Variants in IFT88 observed in about 807,000 individuals in gnomAD.
IFT88 encodes intraflagellar transport 88.
In IFT88, 74 loss-of-function variants were observed where a neutral mutation model predicts 119.5. The ratio of observed to expected loss-of-function variants is 0.62; its 90% CI spans 0.51 to 0.75. The LOEUF is 0.75. Among genes scored for constraint, IFT88 ranks in the 30% least tolerant of loss-of-function variants. IFT88 has a pLI of 0.00. For missense variants in IFT88, 961 were observed against 977.7 expected (o/e 0.98, Z 0.23); for synonymous variants, 279 against 316.7 (o/e 0.88, Z 1.26).
At chr13:20,588,119 T>C (rs992887572) in intron 3 of IFT88, among the ~76,000 whole-genome samples, 2 of 151,930 alleles carry the variant, frequency 1.3e-5, no homozygotes, top group Admixed American at 1.3e-4. Flanking sequence ...GTTCTCTGAC[T>C]ATTCTTTTAG....
chr13:20,592,536 C>T (rs1257553892), intron 7 of IFT88, 132 bp downstream of exon 7: 7 of 596,664 alleles, frequency 1.2e-5, no homozygotes, highest in South Asian at 2.3e-5. Flanking sequence ...GTGATGCGAT[C>T]TTGGCTCACT....
At position 20,574,954 on chromosome 13, in the gene IFT88, G is replaced by C. The variant is rs577720766; in HGVS notation, c.90+479G>C. ...GTTACATCAAGCATTTATCCTTTGT[G>C]TTCCAAACAATCCGATTATATTCTT... On this transcript the variant is annotated intron_variant, in intron 2 of 25. Transcript: ENST00000351808. 5.3e-5 allele frequency among the ~76,000 whole-genome samples: 8 copies of C among 152,112 alleles called. No individual in the cohort carries two copies. In the South Asian group the frequency reaches 1.7e-3, roughly 32 times the overall value.
At chr13:20,690,866 T>G (rs766646157) in intron 25 of IFT88, 51 bp downstream of exon 25, 1 of 1,438,070 alleles carries the variant, frequency 7.0e-7, no homozygotes, top group Non-Finnish European at 9.8e-7. Context: ...TGAAGAAGAA[T>G]GGTGAGATGG....
rs560495525 is a variant in IFT88 at position 20,606,617 on chromosome 13, G to A, written c.1112+1512G>A. On this transcript the variant is annotated intron_variant, in intron 13 of 25. Coordinates refer to ENST00000351808, the MANE Select transcript of IFT88 (RefSeq NM_006531.5). ...TTGTTTGCTGGGCACGGTGGCTCAC[G>A]CCTGTAGTCCCAGCACTTTGGGAGG... Among the ~76,000 whole-genome samples, 17 of 152,270 alleles carry A rather than the reference G, an allele frequency of 1.1e-4. No individual in the cohort carries two copies. The South Asian group carries it at 3.3e-3, about 30-fold the overall frequency.
chr13:20,573,236 C>G (rs527268859), intron 1 of IFT88, among the ~76,000 whole-genome samples: 1 of 152,076 alleles, frequency 6.6e-6, no homozygotes, highest in Non-Finnish European at 1.5e-5. Flanking sequence ...TACTATAACC[C>G]ATACAATGTA....
chr13:20,690,729 G>A lies in IFT88; in HGVS notation c.2267G>A (p.Ser756Asn). ...SGDSGQNYSASSKGERLSARL... is the reference protein window; with the variant it reads ...SGDSGQNYSANSKGERLSARL... ...GATAGTGGCCAGAACTATAGTGCCA[G>A]TAGTAAAGGTGAACGACTAAGTGCC... The change falls in exon 25 of 26, where the codon AGT (serine) becomes AAT (asparagine). Residue 756 changes from serine to asparagine, a missense_variant. Coordinates refer to ENST00000351808, the MANE Select transcript of IFT88 (RefSeq NM_006531.5). 1 of 1,612,618 alleles carries A rather than the reference G, an allele frequency of 6.2e-7. No homozygotes were observed. Among genetic ancestry groups the A allele is most frequent in the Non-Finnish European group, 8.5e-7 (1 of 1,178,656 alleles).
intron 7 of IFT88, among the ~76,000 whole-genome samples, chr13:20,594,871 T>C (rs763532056): frequency 6.6e-6 from 1 of 152,220 alleles, no homozygotes; most frequent in Non-Finnish European, 1.5e-5. Flanking sequence ...AATTTATTTC[T>C]ATATACTTTT....
intron 2 of IFT88, among the ~76,000 whole-genome samples, 173 bp from the exon 3 acceptor site, chr13:20,582,784 G>T (rs985791246): frequency 3.3e-5 from 5 of 152,164 alleles, no homozygotes; most frequent in African/African-American, 1.2e-4. Context: ...GAGGAAGGAG[G>T]TTTGCTATTC....
intron 24 of IFT88, among the ~76,000 whole-genome samples, chr13:20,683,446 T>A (rs2057540878): frequency 6.6e-6 from 1 of 152,206 alleles, no homozygotes; most frequent in South Asian, 2.1e-4. Flanking sequence ...TCCCCATTGC[T>A]GTAATAAATC....
intron 23 of IFT88, among the ~76,000 whole-genome samples, 168 bp from the exon 24 acceptor site, chr13:20,670,805 A>G (rs2055696980): frequency 6.6e-6 from 1 of 151,514 alleles, no homozygotes; most frequent in Non-Finnish European, 1.5e-5. Flanking sequence ...CCCTCCACTT[A>G]CAAAACAACT....
chr13:20,658,152 G>C (rs1000305264), intron 22 of IFT88, among the ~76,000 whole-genome samples: 1 of 151,254 alleles, frequency 6.6e-6, no homozygotes, highest in African/African-American at 2.4e-5. Context: ...GCTGGAGTGC[G>C]GTGGCGCCAT....
intron 2 of IFT88, among the ~76,000 whole-genome samples, chr13:20,578,358 C>CTTTTTTTTT (rs1158499742): frequency 2.5e-5 from 2 of 78,746 alleles, no homozygotes; most frequent in African/African-American, 5.2e-5. Flanking sequence ...AGTCTTGTTA[C>CTTTTTTTTT]TTTTTTTTTT....
rs144542387 is a variant in IFT88 at position 20,607,864 on chromosome 13, A to C, written c.1112+2759A>C. On this transcript the variant is annotated intron_variant, in intron 13 of 25. Transcript: ENST00000351808. ...CACAGTGTCCCTGATCATGCTGCCCAACCCAGTCACCAGCACCAATGTCCT... is the reference window on the plus strand; with the variant it reads ...CACAGTGTCCCTGATCATGCTGCCCCACCCAGTCACCAGCACCAATGTCCT... 1.0e-3 allele frequency: 736 copies of C among 718,280 alleles called. 4 individuals carry two copies. In the African/African-American group the frequency reaches 0.011, roughly 11 times the overall value. The allele number at this position is 718,280 out of a possible 1,614,324, so 44.5% of individuals were successfully genotyped here.
At chr13:20,679,684 A>T (rs557522292) in intron 24 of IFT88, among the ~76,000 whole-genome samples, 1 of 152,226 alleles carries the variant, frequency 6.6e-6, no homozygotes, top group African/African-American at 2.4e-5. Context: ...AGACACAACT[A>T]TGTATCCAGA....
chr13:20,590,938 C>T (rs765562192), intron 4 of IFT88, 29 bp from the exon 5 acceptor site: 7 of 1,536,214 alleles, frequency 4.6e-6, no homozygotes, highest in African/African-American at 4.1e-5. Context: ...TTTTAGGAAT[C>T]TTTTTAACTT....
intron 24 of IFT88, among the ~76,000 whole-genome samples, chr13:20,676,563 A>C (rs1440013125): frequency 6.6e-6 from 1 of 152,200 alleles, no homozygotes; most frequent in Non-Finnish European, 1.5e-5. Context: ...TCCCTAACAC[A>C]AGAGGGTCAT....
chr13:20,591,872 A>G (rs1296738091), intron 6 of IFT88, among the ~76,000 whole-genome samples, 191 bp downstream of exon 6: 2 of 152,220 alleles, frequency 1.3e-5, no homozygotes, highest in Non-Finnish European at 2.9e-5. Context: ...TTGGGGTGGT[A>G]ATTAAACCAT....
In IFT88 at chr13:20,674,862, C is replaced by T. The variant is rs540291355; in HGVS notation, c.2242+3823C>T. ...CCAAGTAGCTGGGACTACAGGCACC[C>T]ACCACCACGCCCGGCTAATTTTGGG... On this transcript the variant is annotated intron_variant, in intron 24 of 25. Transcript: ENST00000351808. Among the ~76,000 whole-genome samples, 5 of 150,776 alleles carry T rather than the reference C, an allele frequency of 3.3e-5. No individual in the cohort carries two copies. The South Asian group carries it at 1.1e-3, about 32-fold the overall frequency.
chr13:20,629,004 TA>T (rs908149627), intron 15 of IFT88, among the ~76,000 whole-genome samples: 2 of 151,764 alleles, frequency 1.3e-5, no homozygotes, highest in Admixed American at 6.6e-5. Flanking sequence ...CTCCTTTTTT[TA>T]AAAAAAAATT....
Sources: gnomAD v4.1 joint callset for allele counts (sites outside exome capture counted in the v4.1 genomes callset) on GRCh38, gnomAD v4.1.1 for gene constraint, MANE v1.5 for transcripts, NCBI Gene and HGNC (gene_info 2026-07-23, HGNC 2026-07-21) for gene names.